RANBP17: variants seen among roughly 807,000 people sequenced by gnomAD.
The protein encoded by RANBP17 is RAN binding protein 17.
In RANBP17, 158 loss-of-function variants were observed where a neutral mutation model predicts 141.2. The ratio of observed to expected loss-of-function variants is 1.12; its 90% CI spans 0.98 to 1.28. The LOEUF (loss-of-function observed/expected upper bound fraction) is 1.28. Ranked by LOEUF, RANBP17 falls within the 50% of genes most tolerant of loss-of-function variation. RANBP17 has a pLI of 0.00. For missense variants in RANBP17, 1,438 were observed against 1,290.7 expected (o/e 1.11, Z -1.75); for synonymous variants, 430 against 450.0 (o/e 0.96, Z 0.56).
intron 12 of RANBP17, among the ~76,000 whole-genome samples, chr5:170,934,843 T>C (rs924074084): frequency 6.6e-6 from 1 of 152,216 alleles, no homozygotes; most frequent in African/African-American, 2.4e-5. Context: ...TGAATCTGAA[T>C]GTTGGCCTGC....
At chr5:171,220,740 G>T (rs771548412) in intron 21 of RANBP17, among the ~76,000 whole-genome samples, 5 of 152,020 alleles carry the variant, frequency 3.3e-5, no homozygotes, top group African/African-American at 9.7e-5. Context: ...GAGCCACCGC[G>T]CCTGGTCCAA....
chr5:171,221,689 T>A, intron 21 of RANBP17, 69 bp from the exon 22 acceptor site: 3 of 843,806 alleles, frequency 3.6e-6, no homozygotes, highest in Non-Finnish European at 6.0e-6. Context: ...ATGAAAATCC[T>A]AGGCATTTTA....
chr5:171,126,343 G>A (rs1311159238), intron 14 of RANBP17, among the ~76,000 whole-genome samples: 1 of 152,084 alleles, frequency 6.6e-6, no homozygotes, highest in East Asian at 1.9e-4. Context: ...GAATTTTATA[G>A]CAATAACCTC....
chr5:171,009,526 A>C (rs1779882701), intron 14 of RANBP17, among the ~76,000 whole-genome samples: 1 of 152,170 alleles, frequency 6.6e-6, no homozygotes, highest in East Asian at 1.9e-4. Flanking sequence ...AGATTCATAA[A>C]GTGATTTGTA....
chr5:171,265,962 A>G, intron 25 of RANBP17, 115 bp downstream of exon 25: 2 of 570,518 alleles, frequency 3.5e-6, no homozygotes, highest in African/African-American at 3.9e-5. Flanking sequence ...CTGGTAAAAA[A>G]TATATATATA....
chr5:170,881,096 A>ATATTGT (rs112149990), intron 2 of RANBP17, among the ~76,000 whole-genome samples: 95,318 of 151,412 alleles, frequency 0.63, 30,926 homozygotes, highest in South Asian at 0.9. Flanking sequence ...CTGTCACAAA[A>ATATTGT]TATTGTTTTG....
chr5:170,950,695 G>T (rs1407459594), intron 12 of RANBP17, among the ~76,000 whole-genome samples: 1 of 152,086 alleles, frequency 6.6e-6, no homozygotes, highest in East Asian at 1.9e-4. Flanking sequence ...ATGAAAAATA[G>T]AACTACCGTA....
intron 14 of RANBP17, among the ~76,000 whole-genome samples, chr5:171,052,058 A>G (rs1167944473): frequency 6.6e-6 from 1 of 151,942 alleles, no homozygotes; most frequent in African/African-American, 2.4e-5. Flanking sequence ...TTGAAGGAGG[A>G]TCTGGATTTT....
intron 24 of RANBP17, among the ~76,000 whole-genome samples, chr5:171,260,192 C>G (rs569611096): frequency 6.8e-6 from 1 of 146,662 alleles, no homozygotes; most frequent in Non-Finnish European, 1.5e-5. Flanking sequence ...CCCAGCTAGT[C>G]GGGGAGGCTG....
chr5:171,261,090 C>CCAAAAAAAAAAAAAAAAAAAAA (rs1554125343), intron 24 of RANBP17, among the ~76,000 whole-genome samples: 1 of 68,488 alleles, frequency 1.5e-5, no homozygotes, highest in Non-Finnish European at 2.5e-5. Context: ...CCACCCCCCC[C>CCAAAAAAAAAAAAAAAAAAAAA]AAAAAAAAAA....
chr5:171,211,631 T>TG (rs1762896335), intron 20 of RANBP17, among the ~76,000 whole-genome samples: 1 of 148,052 alleles, frequency 6.8e-6, no homozygotes, highest in South Asian at 2.3e-4. Context: ...GGGCAGGGTT[T>TG]TTTTTTTTTT....
At chr5:171,042,777 T>TA (rs1782331771) in intron 14 of RANBP17, among the ~76,000 whole-genome samples, 1 of 152,080 alleles carries the variant, frequency 6.6e-6, no homozygotes, top group Non-Finnish European at 1.5e-5. Context: ...TAACCCACTC[T>TA]AGGGGGGGTC....
intron 22 of RANBP17, among the ~76,000 whole-genome samples, chr5:171,230,630 C>T (rs1314724017): frequency 1.3e-5 from 2 of 152,008 alleles, no homozygotes; most frequent in Admixed American, 1.3e-4. Context: ...GGTGTGGTGG[C>T]GGGCACCTGT....
At chr5:171,134,542 G>T (rs1240433720) in intron 14 of RANBP17, among the ~76,000 whole-genome samples, 1 of 152,184 alleles carries the variant, frequency 6.6e-6, no homozygotes, top group Non-Finnish European at 1.5e-5. Context: ...AAAGCCCTAA[G>T]TTCTAACCCA....
At chr5:171,101,893 C>A (rs1465173562) in intron 14 of RANBP17, among the ~76,000 whole-genome samples, 1 of 152,200 alleles carries the variant, frequency 6.6e-6, no homozygotes, top group East Asian at 1.9e-4. Context: ...CTTGAAAATT[C>A]TTTTCTTGAA....
intron 14 of RANBP17, among the ~76,000 whole-genome samples, chr5:171,151,790 A>G (rs1758504886): frequency 6.6e-6 from 1 of 152,164 alleles, no homozygotes; most frequent in Non-Finnish European, 1.5e-5. Flanking sequence ...AATTGTTGCC[A>G]TTTTGCCACC....
At chr5:170,989,385 A>C (rs984702882) in intron 14 of RANBP17, among the ~76,000 whole-genome samples, 5 of 151,780 alleles carry the variant, frequency 3.3e-5, no homozygotes, top group South Asian at 2.1e-4. Flanking sequence ...AATAGCTACA[A>C]GTTTGTAATC....
At chr5:170,898,147 CT>C (rs1216266389) in intron 5 of RANBP17, among the ~76,000 whole-genome samples, 1 of 152,176 alleles carries the variant, frequency 6.6e-6, no homozygotes, top group African/African-American at 2.4e-5. Flanking sequence ...CTGGGTGCCT[CT>C]GTATTAGGTG....
chr5:171,221,649 A>G, intron 21 of RANBP17, 109 bp from the exon 22 acceptor site: 1 of 678,254 alleles, frequency 1.5e-6, no homozygotes, highest in Non-Finnish European at 2.6e-6. Context: ...GAACTTTAAG[A>G]GACAATTGTA....
Sources: gnomAD v4.1 joint callset for allele counts (sites outside exome capture counted in the v4.1 genomes callset) on GRCh38, gnomAD v4.1.1 for gene constraint, MANE v1.5 for transcripts, NCBI Gene and HGNC (gene_info 2026-07-23, HGNC 2026-07-21) for gene names.